The following RCC1L variants were observed in gnomAD, a reference collection of about 807,000 sequenced individuals.
RCC1L encodes RCC1-like G exchanging factor-like protein.
A neutral mutation model predicts 58.6 loss-of-function variants in RCC1L; 46 were observed. The ratio of observed to expected loss-of-function variants is 0.79; its 90% CI spans 0.62 to 1.00. RCC1L has a LOEUF of 1.00. Among genes scored for constraint, RCC1L ranks in the 50% least tolerant of loss-of-function variants. The pLI is 0.00. For missense variants in RCC1L, 636 were observed against 623.6 expected (o/e 1.02, Z -0.21); for synonymous variants, 281 against 262.9 (o/e 1.07, Z -0.67).
chr7:75,068,659 C>T (rs1192648254), intron 2 of RCC1L, among the ~76,000 whole-genome samples: 1 of 151,984 alleles, frequency 6.6e-6, no homozygotes, highest in Non-Finnish European at 1.5e-5. Context: ...GCACTCCAGC[C>T]TGGGCGACAG....
intron 9 of RCC1L, among the ~76,000 whole-genome samples, chr7:75,054,179 C>T (rs1015478880): frequency 6.6e-6 from 1 of 152,200 alleles, no homozygotes; most frequent in Admixed American, 6.5e-5. Context: ...GCTGGGATTA[C>T]AAGCATGAGC....
At chr7:75,057,900 G>A (rs1806131354) in intron 7 of RCC1L, 1 of 423,182 alleles carries the variant, frequency 2.4e-6, no homozygotes, top group South Asian at 2.0e-5. Context: ...GCTCACGCCT[G>A]TAATCCTAGC....
At chr7:75,053,609 A>C (rs1054018235) in intron 9 of RCC1L, among the ~76,000 whole-genome samples, 170 of 152,324 alleles carry the variant, frequency 1.1e-3, no homozygotes, top group African/African-American at 3.8e-3. Context: ...AAAAACTGTC[A>C]TGAAGAAAAA....
intron 6 of RCC1L, among the ~76,000 whole-genome samples, chr7:75,059,267 CTT>C (rs1242893209): frequency 4.3e-5 from 6 of 140,150 alleles, no homozygotes; most frequent in Non-Finnish European, 3.1e-5. Context: ...GCTCATACAA[CTT>C]TTTTTTTTTT....
chr7:75,065,113 G>T (rs1554444917), intron 3 of RCC1L, among the ~76,000 whole-genome samples: 1 of 151,856 alleles, frequency 6.6e-6, no homozygotes, highest in Admixed American at 6.6e-5. Context: ...TTCCAAGTGT[G>T]AAGTGACAGC....
chr7:75,049,369 T>A (rs1805837857), intron 10 of RCC1L, among the ~76,000 whole-genome samples: 1 of 151,524 alleles, frequency 6.6e-6, no homozygotes, highest in Non-Finnish European at 1.5e-5. Context: ...TAAATATAAA[T>A]AATAAAATAA....
At position 75,056,359 on chromosome 7, in the gene RCC1L, G is replaced by C. The variant is rs587626365; in HGVS notation, c.1058-285C>G. On this transcript the variant is annotated intron_variant, in intron 8 of 10. Transcript: ENST00000610322. ...TCTTGAGGGTTAGTAACCTGGAAGG[G>C]ACGAGCGTATAAATCATCCAGAAAA... is the stretch of plus-strand genomic sequence containing the variant. Among the ~76,000 whole-genome samples the C allele has an allele frequency of 1.1e-3, 170 of 152,252 alleles. 1 individual carries two copies. Among genetic ancestry groups the C allele is most frequent in the African/African-American group, 3.8e-3 (156 of 41,550 alleles).
chr7:75,068,326 A>C (rs1458471552), intron 2 of RCC1L, among the ~76,000 whole-genome samples: 2 of 151,284 alleles, frequency 1.3e-5, no homozygotes, highest in African/African-American at 4.9e-5. Flanking sequence ...GACTCAAAAA[A>C]AAAAAAAAAA....
At chr7:75,057,156 A>G (rs922733315) in intron 8 of RCC1L, among the ~76,000 whole-genome samples, 8 of 152,122 alleles carry the variant, frequency 5.3e-5, no homozygotes, top group African/African-American at 1.9e-4. Context: ...TATTTTTAGT[A>G]GAGTCAGGGT....
intron 2 of RCC1L, among the ~76,000 whole-genome samples, chr7:75,068,051 G>A (rs1806568550): frequency 6.6e-6 from 1 of 152,138 alleles, no homozygotes; most frequent in Non-Finnish European, 1.5e-5. Context: ...CGGGCACGGT[G>A]GGTCACGCCT....
intron 7 of RCC1L, 56 bp from the exon 8 acceptor site, chr7:75,057,672 A>G: frequency 6.5e-7 from 1 of 1,549,678 alleles, no homozygotes; most frequent in Admixed American, 1.7e-5. Flanking sequence ...AGGACCGGGA[A>G]GTGTTCTGGT....
At position 75,042,396 on chromosome 7, in the gene RCC1L, C is replaced by A; in HGVS notation, c.*636G>T. The A allele has an allele frequency of 1.0e-6, 1 of 986,092 alleles. No homozygotes were observed. Among genetic ancestry groups the A allele is most frequent in the Non-Finnish European group, 1.2e-6 (1 of 830,414 alleles). The allele number at this position is 986,092 out of a possible 1,614,324, so 61.1% of individuals were successfully genotyped here. A position where few individuals can be genotyped will look rare whatever the true frequency, so the allele number is the denominator to read the frequency against. ...CCTCGATTCTCTTCCTGAGGGGCTT[C>A]TTAACTTTTCCAAGCCAGGCAGTGA... On this transcript the variant is annotated 3_prime_UTR_variant, in exon 11 of 11. Transcript: ENST00000610322.
chr7:75,071,548 G>A (rs187388078), intron 1 of RCC1L, among the ~76,000 whole-genome samples: 1 of 152,270 alleles, frequency 6.6e-6, no homozygotes, highest in East Asian at 1.9e-4. Context: ...CGGGAGGCAG[G>A]AGAAGTGCTT....
intron 10 of RCC1L, 135 bp from the exon 11 acceptor site, chr7:75,043,244 T>C: frequency 9.5e-7 from 1 of 1,047,394 alleles, no homozygotes; most frequent in Non-Finnish European, 1.5e-6. Context: ...AGGAGACAGC[T>C]TGTCTCAGTA....
chr7:75,052,195 A>G (rs1805933708), intron 10 of RCC1L, among the ~76,000 whole-genome samples: 2 of 152,226 alleles, frequency 1.3e-5, no homozygotes, highest in African/African-American at 4.8e-5. Flanking sequence ...AATATTAAAC[A>G]TCCTGCTTTC....
chr7:75,071,688 C>T (rs1484351102), intron 1 of RCC1L, among the ~76,000 whole-genome samples: 13 of 152,072 alleles, frequency 8.5e-5, no homozygotes, highest in African/African-American at 2.6e-4. Context: ...CATCTCTTAG[C>T]GCGGTAGGTA....
At chr7:75,072,651 T>G (rs111710492) in intron 1 of RCC1L, among the ~76,000 whole-genome samples, 1 of 152,080 alleles carries the variant, frequency 6.6e-6, no homozygotes, top group Non-Finnish European at 1.5e-5. Context: ...TCCAGTGAGG[T>G]TGGATATAGA....
In RCC1L at chr7:75,042,854, C is replaced by A. The variant is rs1563071751; in HGVS notation, c.*178G>T. 41 of 1,460,282 alleles carry A rather than the reference C, an allele frequency of 2.8e-5. No homozygotes were observed. The highest frequency in any genetic ancestry group is 3.5e-5 in the Non-Finnish European group (39 of 1,101,688). 90.5% of individuals were successfully genotyped at this position (1,460,282 alleles called of 1,614,324 possible). On this transcript the variant is annotated 3_prime_UTR_variant, in exon 11 of 11. Transcript: ENST00000610322. The stretch of plus-strand genomic sequence containing the variant: ...GGCCTCACCTGCAGCTGGAGAGGGA[C>A]CTTGCCCTGATCCTCCTGGTAGGTA...
Position 75,056,457 on chromosome 7 carries a change from A to G in RCC1L, c.1058-383T>C, listed in dbSNP as rs1016077916. On this transcript the variant is annotated intron_variant, in intron 8 of 10. Transcript: ENST00000610322. ...CAGCTCTGTGTTTCACACTGATCAG[A>G]AGGCCAAACACATCAACAATGTCTG... The G allele has an allele frequency of 4.7e-5, 66 of 1,401,588 alleles. No individual in the cohort carries two copies. The African/African-American group carries it at 8.8e-4, about 19-fold the overall frequency. The allele number at this position is 1,401,588 out of a possible 1,614,324, so 86.8% of individuals were successfully genotyped here. A position where few individuals can be genotyped will look rare whatever the true frequency, so the allele number is the denominator to read the frequency against.
Sources: gnomAD v4.1 joint callset for allele counts (sites outside exome capture counted in the v4.1 genomes callset) on GRCh38, gnomAD v4.1.1 for gene constraint, MANE v1.5 for transcripts, NCBI Gene and HGNC (gene_info 2026-07-23, HGNC 2026-07-21) for gene names.